The following TENM3 variants were observed in gnomAD, a reference collection of about 807,000 sequenced individuals.
The protein encoded by TENM3 is teneurin-3.
Under a neutral mutation model 255.1 loss-of-function variants are expected in TENM3, and 63 were observed. The observed-to-expected ratio is 0.25, with a 90% CI of 0.20 to 0.30. TENM3 has a LOEUF of 0.30. Among genes scored for constraint, TENM3 ranks in the 10% least tolerant of loss-of-function variants. The pLI, the probability that TENM3 is intolerant of heterozygous loss-of-function variation, is 1.00. For synonymous variants in TENM3, 1,306 were observed against 1,322.3 expected (o/e 0.99, Z 0.27); for missense variants, 2,929 against 3,461.1 (o/e 0.85, Z 3.86).
the TENM3 span, among the ~76,000 whole-genome samples, chr4:182,138,260 T>C: frequency 2.3e-4 from 35 of 152,342 alleles, no homozygotes; most frequent in Non-Finnish European, 7.3e-5. Context: ...TCTTTGCATG[T>C]GTGATAAGCG....
At chr4:181,750,914 T>C in the TENM3 span, among the ~76,000 whole-genome samples, 1 of 152,246 alleles carries the variant, frequency 6.6e-6, no homozygotes, top group African/African-American at 2.4e-5. Flanking sequence ...GACAATCAAT[T>C]ACTTTGTTTT....
chr4:182,424,502 G>A (rs1285986822), intron 3 of TENM3, among the ~76,000 whole-genome samples: 2 of 150,060 alleles, frequency 1.3e-5, no homozygotes, highest in East Asian at 1.9e-4. Flanking sequence ...TCATCTCTAG[G>A]TTGGGCCTAT....
intron 3 of TENM3, among the ~76,000 whole-genome samples, chr4:182,549,845 G>A (rs1028256545): frequency 2.0e-5 from 3 of 152,114 alleles, no homozygotes; most frequent in East Asian, 1.9e-4. Context: ...TTTTGCAGTC[G>A]CATTATAAAT....
chr4:182,682,840 G>C (rs977466641), intron 11 of TENM3, among the ~76,000 whole-genome samples: 1 of 151,962 alleles, frequency 6.6e-6, no homozygotes, highest in African/African-American at 2.4e-5. Flanking sequence ...TAGTGTGGAA[G>C]ATTACAGTTT....
At chr4:182,145,107 C>G (rs1749856213) in intron 1 of TENM3, 1 of 152,272 alleles carries the variant, frequency 6.6e-6, no homozygotes, top group South Asian at 2.1e-4. Context: ...CCGCCAGGTC[C>G]TCTTCGGCCC....
upstream of TENM3, among the ~76,000 whole-genome samples, chr4:182,242,589 C>T (rs1023854249): frequency 2.6e-5 from 4 of 151,866 alleles, no homozygotes; most frequent in Non-Finnish European, 5.9e-5. Flanking sequence ...GGTGAAAACC[C>T]GTCTCTACAA....
At chr4:182,658,678 T>C (rs1753964315) in intron 6 of TENM3, among the ~76,000 whole-genome samples, 1 of 152,224 alleles carries the variant, frequency 6.6e-6, no homozygotes. Flanking sequence ...AGCAATGTTA[T>C]CATCTCTTGT....
chr4:182,652,001 T>C (rs576241054), intron 5 of TENM3, among the ~76,000 whole-genome samples: 1 of 152,362 alleles, frequency 6.6e-6, no homozygotes, highest in South Asian at 2.1e-4. Flanking sequence ...ATTCATCCGT[T>C]ACTAACATGT....
At chr4:182,675,041 T>G (rs943712438) in intron 7 of TENM3, among the ~76,000 whole-genome samples, 10 of 151,990 alleles carry the variant, frequency 6.6e-5, no homozygotes, top group Non-Finnish European at 1.3e-4. Context: ...TATGCCCAGC[T>G]AATTTTGTAT....
At chr4:182,438,438 A>G (rs1772209283) in intron 3 of TENM3, among the ~76,000 whole-genome samples, 1 of 152,342 alleles carries the variant, frequency 6.6e-6, no homozygotes. Flanking sequence ...TCATCACGCA[A>G]TAGAGTAAGC....
chr4:182,022,384 G>C, the TENM3 span, among the ~76,000 whole-genome samples: 1 of 152,086 alleles, frequency 6.6e-6, no homozygotes, highest in Admixed American at 6.5e-5. Flanking sequence ...CAGACACTGG[G>C]CATGTTAAAA....
At chr4:182,126,037 T>A in the TENM3 span, among the ~76,000 whole-genome samples, 2 of 152,196 alleles carry the variant, frequency 1.3e-5, no homozygotes, top group Admixed American at 1.3e-4. Context: ...GATAAGTATT[T>A]GTTTCTTATC....
chr4:181,641,670 A>T, the TENM3 span, among the ~76,000 whole-genome samples: 1 of 100,596 alleles, frequency 9.9e-6, no homozygotes, highest in African/African-American at 3.8e-5. Context: ...CATGGAATAT[A>T]TATATATATA....
At chr4:182,785,080 C>CAT (rs1765531065) in intron 24 of TENM3, among the ~76,000 whole-genome samples, 1 of 146,942 alleles carries the variant, frequency 6.8e-6, no homozygotes, top group Admixed American at 6.9e-5. Flanking sequence ...GCTCCTCCCC[C>CAT]ATATTTTTTT....
chr4:181,980,958 A>G, the TENM3 span, among the ~76,000 whole-genome samples: 1 of 152,188 alleles, frequency 6.6e-6, no homozygotes, highest in African/African-American at 2.4e-5. Context: ...ACAGAACCAC[A>G]AGGTAAAAAT....
the TENM3 span, among the ~76,000 whole-genome samples, chr4:181,657,432 A>C: frequency 3.9e-5 from 6 of 152,158 alleles, no homozygotes; most frequent in Non-Finnish European, 8.8e-5. Context: ...CAGCATCACT[A>C]ACCATCAGAG....
intron 3 of TENM3, chr4:182,548,865 T>C (rs1266140720): frequency 6.6e-6 from 1 of 152,202 alleles, no homozygotes; most frequent in Admixed American, 6.5e-5. Flanking sequence ...ACTCTATTCT[T>C]ATGCTATGCA....
the TENM3 span, among the ~76,000 whole-genome samples, chr4:181,497,700 G>A: frequency 6.6e-6 from 1 of 152,084 alleles, no homozygotes; most frequent in Non-Finnish European, 1.5e-5. Flanking sequence ...TGTCCTTTAT[G>A]CTTCAAGAAA....
At chr4:181,616,161 G>A in the TENM3 span, among the ~76,000 whole-genome samples, 1 of 150,460 alleles carries the variant, frequency 6.6e-6, no homozygotes, top group Admixed American at 6.7e-5. Context: ...AGTATGTGAT[G>A]TTAATTTGTA....
Sources: allele counts gnomAD v4.1 joint callset (sites outside exome capture counted in the v4.1 genomes callset), GRCh38; gene constraint gnomAD v4.1.1; transcripts MANE v1.5; gene names NCBI Gene and HGNC (gene_info 2026-07-23, HGNC 2026-07-21).